Variants in ARSB observed in about 807,000 individuals in gnomAD.
The protein encoded by ARSB is arylsulfatase B, also known as N-acetylgalactosamine-4-sulfatase.
In ARSB, 41 loss-of-function variants were observed where a neutral mutation model predicts 50.9. The observed-to-expected ratio is 0.81, with a 90% CI of 0.63 to 1.04. The LOEUF is 1.04. ARSB is among the 50% of genes least tolerant of loss of function. The probability of loss-of-function intolerance (pLI) is 0.00; values close to 1 mark genes in which losing one functional copy is unlikely to be tolerated. For missense variants in ARSB, 672 were observed against 693.3 expected (o/e 0.97, Z 0.35); for synonymous variants, 269 against 284.8 (o/e 0.94, Z 0.56).
chr5:78,885,744 C>T lies in ARSB; in HGVS notation c.982G>A (p.Gly328Arg). ...KWSLWEGGVR[G>R]VGFVASPLLK... ...AAGGGGCTTGCCACAAAGCCCACCC[C>T]TCGGACGCCTCCTTCCCACAGGCTC... Residue 328 changes from glycine to arginine, a missense_variant, in exon 5 of 8, where the codon GGG (glycine) becomes AGG (arginine). Physicochemically the swap from Gly to Arg is moderately radical, Grantham distance 125. Coordinates refer to ENST00000264914, the MANE Select transcript of ARSB (RefSeq NM_000046.5). The T allele has an allele frequency of 6.2e-7, 1 of 1,614,170 alleles. No homozygotes were observed. The highest frequency in any genetic ancestry group is 1.1e-5 in the South Asian group (1 of 91,082).
chr5:78,921,657 A>G (rs1749819719), intron 4 of ARSB, among the ~76,000 whole-genome samples: 1 of 152,216 alleles, frequency 6.6e-6, no homozygotes, highest in African/African-American at 2.4e-5. Context: ...TCAGTAACAG[A>G]AGAGATCTGG....
At chr5:78,788,221 C>T (rs1474925338) in intron 6 of ARSB, among the ~76,000 whole-genome samples, 1 of 152,188 alleles carries the variant, frequency 6.6e-6, no homozygotes, top group Non-Finnish European at 1.5e-5. Flanking sequence ...CAGAAATATT[C>T]AGCTATAAGA....
At chr5:78,869,847 A>G (rs1304973401) in intron 5 of ARSB, among the ~76,000 whole-genome samples, 3 of 148,792 alleles carry the variant, frequency 2.0e-5, no homozygotes, top group Admixed American at 6.7e-5. Flanking sequence ...GACACAAAAA[A>G]CCCTTCAAAA....
At chr5:78,803,822 C>T (rs1416774398) in intron 6 of ARSB, among the ~76,000 whole-genome samples, 1 of 152,254 alleles carries the variant, frequency 6.6e-6, no homozygotes, top group African/African-American at 2.4e-5. Context: ...TACCCTGCAC[C>T]TGTGCTGGGC....
chr5:78,956,492 T>C (rs1013319621), intron 3 of ARSB, among the ~76,000 whole-genome samples: 4 of 152,172 alleles, frequency 2.6e-5, no homozygotes, highest in African/African-American at 7.2e-5. Context: ...CTGTATACTT[T>C]AAATGAGTGA....
At chr5:78,821,668 A>T (rs967506052) in intron 6 of ARSB, among the ~76,000 whole-genome samples, 5 of 152,208 alleles carry the variant, frequency 3.3e-5, no homozygotes, top group Non-Finnish European at 7.3e-5. Context: ...TGTATAAAGC[A>T]CTATGAGGAG....
rs529401214 is a variant in ARSB at position 78,954,126 on chromosome 5, T to C, written c.898+1169A>G. Among the ~76,000 whole-genome samples the C allele has an allele frequency of 4.0e-4, 60 of 150,688 alleles. 1 individual carries two copies. The highest frequency in any genetic ancestry group is 6.9e-4 in the Non-Finnish European group (47 of 67,632). ...AGGGAAAAAAAAAACTAGGAAAAATTAGAGGACTGACCTGGTGACCAAATA... is the reference window on the plus strand; with the variant it reads ...AGGGAAAAAAAAAACTAGGAAAAATCAGAGGACTGACCTGGTGACCAAATA... On this transcript the variant is annotated intron_variant, in intron 4 of 7. Transcript: ENST00000264914.
intron 4 of ARSB, among the ~76,000 whole-genome samples, chr5:78,919,549 G>C (rs888140532): frequency 1.3e-5 from 2 of 152,146 alleles, no homozygotes; most frequent in Admixed American, 1.3e-4. Context: ...CTGGAGTGCA[G>C]TGGCACGATC....
intron 5 of ARSB, among the ~76,000 whole-genome samples, chr5:78,853,429 A>C (rs1434573709): frequency 1.3e-5 from 2 of 152,134 alleles, no homozygotes; most frequent in East Asian, 3.9e-4. Context: ...TTTGTCTCAG[A>C]GGAATACCCG....
chr5:78,954,402 C>T (rs758041176), intron 4 of ARSB, among the ~76,000 whole-genome samples: 4 of 152,102 alleles, frequency 2.6e-5, no homozygotes, highest in East Asian at 1.9e-4. Flanking sequence ...AGAATGGCAT[C>T]GCCATAATGA....
chr5:78,969,283 CTGTTGACTTGGA>C, intron 1 of ARSB, 91 bp from the exon 2 acceptor site: 1 of 1,360,190 alleles, frequency 7.4e-7, no homozygotes, highest in Non-Finnish European at 1.0e-6. Flanking sequence ...CTGATCATAT[CTGTTGACTTGGA>C]TGTTTAACTC....
At chr5:78,953,787 A>G (rs1397863812) in intron 4 of ARSB, among the ~76,000 whole-genome samples, 1 of 152,112 alleles carries the variant, frequency 6.6e-6, no homozygotes, top group African/African-American at 2.4e-5. Flanking sequence ...ATATAAACAA[A>G]CTGAAAAAAA....
intron 6 of ARSB, among the ~76,000 whole-genome samples, chr5:78,825,017 T>C (rs1424124777): frequency 1.3e-5 from 2 of 152,218 alleles, no homozygotes; most frequent in African/African-American, 4.8e-5. Flanking sequence ...TTTTCAGAAG[T>C]ATTCAAAAGT....
intron 5 of ARSB, among the ~76,000 whole-genome samples, chr5:78,843,900 T>C (rs901623138): frequency 3.3e-5 from 5 of 152,238 alleles, no homozygotes; most frequent in African/African-American, 1.2e-4. Context: ...TTCCTTTATA[T>C]GGCTAAATAA....
chr5:78,784,545 G>A (rs959609100), intron 6 of ARSB, among the ~76,000 whole-genome samples: 1 of 152,160 alleles, frequency 6.6e-6, no homozygotes, highest in African/African-American at 2.4e-5. Flanking sequence ...TTGTGGGAAG[G>A]TTTGAAATTA....
At chr5:78,833,845 G>A (rs1019485309) in intron 6 of ARSB, among the ~76,000 whole-genome samples, 3 of 152,214 alleles carry the variant, frequency 2.0e-5, no homozygotes, top group Non-Finnish European at 4.4e-5. Flanking sequence ...TGCAGGGAGC[G>A]ATGAGGGTGG....
chr5:78,822,733 G>T (rs1361056713), intron 6 of ARSB, among the ~76,000 whole-genome samples: 1 of 152,116 alleles, frequency 6.6e-6, no homozygotes. Context: ...TGCCTTCCGG[G>T]TTCACGCCAT....
chr5:78,983,146 C>T (rs900823283), intron 1 of ARSB, among the ~76,000 whole-genome samples: 7 of 152,074 alleles, frequency 4.6e-5, no homozygotes, highest in Non-Finnish European at 7.4e-5. Context: ...CTCTGCCTCC[C>T]GAGTTCAAGC....
chr5:78,889,580 AAAGT>A (rs1224046814), intron 4 of ARSB, among the ~76,000 whole-genome samples: 1 of 152,232 alleles, frequency 6.6e-6, no homozygotes, highest in Non-Finnish European at 1.5e-5. Context: ...AAGAAATGTC[AAAGT>A]AAGACAAACA....
Sources: allele counts gnomAD v4.1 joint callset (sites outside exome capture counted in the v4.1 genomes callset), GRCh38; gene constraint gnomAD v4.1.1; transcripts MANE v1.5; gene names NCBI Gene and HGNC (gene_info 2026-07-23, HGNC 2026-07-21).